Variants in DISP1 observed in about 807,000 individuals in gnomAD.
DISP1 encodes protein dispatched homolog 1.
A neutral mutation model predicts 37.3 loss-of-function variants in DISP1; 30 were observed. The ratio of observed to expected loss-of-function variants is 0.80; its 90% confidence interval spans 0.60 to 1.09. The LOEUF is 1.09. Ranked by LOEUF, DISP1 falls within the 50% of genes least tolerant of loss-of-function variation. The pLI is 0.00. For synonymous variants in DISP1, 634 were observed against 690.2 expected (o/e 0.92, Z 1.28); for missense variants, 1,598 against 1,879.5 (o/e 0.85, Z 2.77).
chr1:222,830,058 A>C (rs1665358369), intron 1 of DISP1, among the ~76,000 whole-genome samples: 1 of 152,172 alleles, frequency 6.6e-6, no homozygotes, highest in Admixed American at 6.5e-5. Flanking sequence ...ATGTTCAGTA[A>C]TGACTAAGTA....
At chr1:222,996,570 G>A (rs775111592) in intron 8 of DISP1, among the ~76,000 whole-genome samples, 7 of 152,134 alleles carry the variant, frequency 4.6e-5, no homozygotes, top group Non-Finnish European at 1.0e-4. Context: ...AATTCACTCA[G>A]TTAATTAATA....
At chr1:222,987,333 T>C (rs1678353913) in intron 4 of DISP1, among the ~76,000 whole-genome samples, 1 of 152,216 alleles carries the variant, frequency 6.6e-6, no homozygotes. Context: ...CTTAGAATGA[T>C]TGGGCTTTCC....
At chr1:222,913,168 CCTT>C (rs1197864920) in intron 1 of DISP1, among the ~76,000 whole-genome samples, 1 of 152,128 alleles carries the variant, frequency 6.6e-6, no homozygotes, top group Non-Finnish European at 1.5e-5. Flanking sequence ...CTGTACCCCA[CCTT>C]CTTGGTACTT....
chr1:222,922,043 T>C (rs567311477), intron 1 of DISP1, among the ~76,000 whole-genome samples: 2 of 151,820 alleles, frequency 1.3e-5, no homozygotes, highest in African/African-American at 4.8e-5. Context: ...ATTATGGAAG[T>C]TGGAAATGTG....
At chr1:222,950,320 G>A (rs973764715) in intron 3 of DISP1, among the ~76,000 whole-genome samples, 1 of 152,148 alleles carries the variant, frequency 6.6e-6, no homozygotes, top group Non-Finnish European at 1.5e-5. Context: ...TGTAAGAAAG[G>A]GCCAGGCGCA....
intron 1 of DISP1, among the ~76,000 whole-genome samples, chr1:222,836,550 C>T (rs753767633): frequency 1.1e-4 from 16 of 152,002 alleles, no homozygotes; most frequent in Non-Finnish European, 2.1e-4. Context: ...TTTTCAGTAA[C>T]TGGCTGTGGG....
At chr1:222,941,611 G>A (rs955032533) in intron 2 of DISP1, among the ~76,000 whole-genome samples, 33 of 152,248 alleles carry the variant, frequency 2.2e-4, no homozygotes, top group African/African-American at 7.9e-4. Context: ...GGCATGCTCT[G>A]CTCACAAATG....
intron 1 of DISP1, among the ~76,000 whole-genome samples, chr1:222,841,070 A>T (rs1329994018): frequency 6.6e-6 from 1 of 152,184 alleles, no homozygotes; most frequent in Non-Finnish European, 1.5e-5. Flanking sequence ...AGTGCCAGAC[A>T]TATAAAATGC....
At chr1:222,882,734 T>A (rs866613997) in intron 1 of DISP1, among the ~76,000 whole-genome samples, 3 of 152,160 alleles carry the variant, frequency 2.0e-5, no homozygotes, top group Non-Finnish European at 4.4e-5. Context: ...CATTTAATGA[T>A]GGAGTTATAT....
chr1:222,966,090 G>C (rs892054914), intron 3 of DISP1, among the ~76,000 whole-genome samples: 3 of 152,092 alleles, frequency 2.0e-5, no homozygotes, highest in African/African-American at 7.2e-5. Flanking sequence ...CAAAGTATCA[G>C]AGTTAATTTT....
At chr1:222,842,116 C>G (rs1320396801) in intron 1 of DISP1, among the ~76,000 whole-genome samples, 1 of 151,984 alleles carries the variant, frequency 6.6e-6, no homozygotes, top group East Asian at 1.9e-4. Flanking sequence ...AAACTCTAGT[C>G]TAGTTTAAGT....
At chr1:222,886,249 C>T (rs1471091038) in intron 1 of DISP1, among the ~76,000 whole-genome samples, 1 of 152,114 alleles carries the variant, frequency 6.6e-6, no homozygotes, top group Non-Finnish European at 1.5e-5. Context: ...TGAGTGTTGA[C>T]AGAATGGTAG....
At chr1:222,846,351 T>C (rs577550575) in intron 1 of DISP1, among the ~76,000 whole-genome samples, 61 of 151,990 alleles carry the variant, frequency 4.0e-4, no homozygotes, top group Admixed American at 1.0e-3. Context: ...ATTAGCTGGG[T>C]GTGGTGGCGC....
chr1:223,002,982 C>G lies in DISP1; in HGVS notation c.1585C>G (p.Leu529Val). 1 of 1,613,868 alleles carries G rather than the reference C, an allele frequency of 6.2e-7. No individual in the cohort carries two copies. Among genetic ancestry groups the G allele is most frequent in the Non-Finnish European group, 8.5e-7 (1 of 1,180,012 alleles). ...CVYTKSMFIT[L>V]MTMFAIISSL... ...CTACACCAAGTCCATGTTTATCACTCTGATGACAATGTTTGCAATAATCAG... is the reference window on the plus strand; with the variant it reads ...CTACACCAAGTCCATGTTTATCACTGTGATGACAATGTTTGCAATAATCAG... The change falls in exon 9 of 9, where the codon CTG (leucine) becomes GTG (valine). Residue 529 changes from leucine (L) to valine (V), a missense_variant. Coordinates refer to ENST00000675850, the MANE Select transcript of DISP1 (RefSeq NM_001377229.1).
rs944817241 is a variant in DISP1, at chr1:223,003,075, C to T, written c.1678C>T (p.Leu560Phe). ...CTTCGAATTTTTTCCTTTTATGAAC[C>T]TCACTGCCCTCATTATTTTGGTTGG... ...FHFEFFPFMN[L>F]TALIILVGIG... Residue 560 changes from leucine to phenylalanine, a missense_variant, in exon 9 of 9, where the codon CTC (leucine) becomes TTC (phenylalanine). By Grantham distance (22) the Leu-to-Phe change is conservative. Coordinates refer to ENST00000675850, the MANE Select transcript of DISP1 (RefSeq NM_001377229.1). The surrounding 1 kb of genome is among the most constrained non-coding windows in gnomAD (Gnocchi z 4.3). 21 of 1,613,944 alleles carry T rather than the reference C, an allele frequency of 1.3e-5. No individual in the cohort carries two copies. Among genetic ancestry groups the T allele is most frequent in the Non-Finnish European group, 1.7e-5 (20 of 1,180,026 alleles).
rs934726864 is a variant in DISP1, at chr1:222,954,907, C to G, written c.509+11575C>G. Among the ~76,000 whole-genome samples, 6 of 151,494 alleles carry G rather than the reference C, an allele frequency of 4.0e-5. No individual in the cohort carries two copies. The East Asian group carries it at 1.2e-3, about 29-fold the overall frequency. ...AGTGCAACTGCCTGAAATATAGGAA[C>G]AGGAGGCCTGGAGGCACCAGGAACA... On this transcript the variant is annotated intron_variant, in intron 3 of 8. Coordinates refer to ENST00000675850, the MANE Select transcript of DISP1 (RefSeq NM_001377229.1).
intron 1 of DISP1, among the ~76,000 whole-genome samples, chr1:222,840,295 G>A (rs369240537): frequency 6.6e-6 from 1 of 152,120 alleles, no homozygotes; most frequent in African/African-American, 2.4e-5. Context: ...AGGCTGGAGT[G>A]CAGTGGCATG....
intron 1 of DISP1, among the ~76,000 whole-genome samples, chr1:222,895,580 C>T (rs1294386698): frequency 6.6e-6 from 1 of 152,148 alleles, no homozygotes; most frequent in African/African-American, 2.4e-5. Context: ...AATTAATGTA[C>T]ATTTTATCTC....
intron 1 of DISP1, among the ~76,000 whole-genome samples, chr1:222,863,006 A>C (rs1668972705): frequency 6.6e-6 from 1 of 152,120 alleles, no homozygotes; most frequent in Non-Finnish European, 1.5e-5. Flanking sequence ...AATTTTGAAG[A>C]ATATTCCTAG....
Sources: allele counts gnomAD v4.1 joint callset (sites outside exome capture counted in the v4.1 genomes callset), GRCh38; gene constraint gnomAD v4.1.1; non-coding constraint Gnocchi (gnomAD v3.1); transcripts MANE v1.5; gene names NCBI Gene and HGNC (gene_info 2026-07-23, HGNC 2026-07-21).